The following BEND7 variants were observed in gnomAD, a reference collection of about 807,000 sequenced individuals.
BEND7 encodes BEN domain-containing protein 7.
A neutral mutation model predicts 50.9 loss-of-function variants in BEND7; 28 were observed. That is an observed-to-expected ratio of 0.55 (90% CI 0.41 to 0.75). BEND7 has a LOEUF of 0.75. BEND7 is among the 30% of genes least tolerant of loss of function. The pLI is 0.00. For synonymous variants in BEND7, 170 were observed against 183.9 expected, an observed-to-expected ratio of 0.92 and a Z score of 0.61; for missense variants, 477 against 491.3, an observed-to-expected ratio of 0.97 and a Z score of 0.28.
intron 6 of BEND7, among the ~76,000 whole-genome samples, chr10:13,470,681 C>G (rs1037630962): frequency 6.6e-6 from 1 of 152,090 alleles, no homozygotes; most frequent in African/African-American, 2.4e-5. Context: ...GGTGATGAAG[C>G]GGTGGTGAAG....
chr10:13,493,914 T>C (rs913141200), intron 4 of BEND7, among the ~76,000 whole-genome samples: 1 of 152,186 alleles, frequency 6.6e-6, no homozygotes, highest in Non-Finnish European at 1.5e-5. Context: ...TAAACATGAA[T>C]CACCTCCTCT....
At chr10:13,470,618 T>C (rs1026456492) in intron 6 of BEND7, among the ~76,000 whole-genome samples, 4 of 152,218 alleles carry the variant, frequency 2.6e-5, no homozygotes, top group African/African-American at 7.2e-5. Context: ...AGTAAACATA[T>C]GAATTCACAG....
chr10:13,441,767 G>C lies in BEND7; in HGVS notation c.1235-17C>G, dbSNP rs376915962. 6.6e-5 allele frequency: 106 copies of C among 1,613,234 alleles called. 1 individual carries two copies. The highest frequency in any genetic ancestry group is 8.7e-5 in the Non-Finnish European group (103 of 1,179,432). On this transcript the variant is annotated splice_polypyrimidine_tract_variant and intron_variant, in intron 8 of 8. Coordinates refer to ENST00000466271, the MANE Select transcript of BEND7 (RefSeq NM_001369863.1). ...ATCAGACCACTTGAGAAAACAAAGG[G>C]ACTGTTGTCAGGAACGGGATTACTT...
chr10:13,492,781 G>C lies in BEND7; in HGVS notation c.667C>G (p.Pro223Ala). Residue 223 changes from proline (P) to alanine (A), a missense_variant, in exon 5 of 9, where the codon CCA (proline) becomes GCA (alanine). Pro to Ala is a conservative substitution (Grantham distance 27). Transcript: ENST00000466271. ...RKRNKKKKVP[P>A]KTVEPLTVKQ... ...ACAGTAAGAGGTTCCACAGTCTTTG[G>C]GGGCACTTTTTTCTTTTTATTTCTC... The C allele has an allele frequency of 6.2e-7, 1 of 1,609,152 alleles. No homozygotes were observed. Among genetic ancestry groups the C allele is most frequent in the Non-Finnish European group, 8.5e-7 (1 of 1,178,980 alleles).
chr10:13,447,280 G>A lies in BEND7; in HGVS notation c.1220C>T (p.Ala407Val). ...GTTTTATTTACCTGTTGGTGGTAGAGCAATGCCGTCCAGTCTTTCATCACT... is the reference window on the plus strand; with the variant it reads ...GTTTTATTTACCTGTTGGTGGTAGAACAATGCCGTCCAGTCTTTCATCACT... The part of the protein sequence containing the change: ...ADSDERLDGI[A>V]LPPTVV Residue 407 changes from alanine (A) to valine (V), a missense_variant, in exon 8 of 9, where the codon GCT becomes GTT. Coordinates refer to ENST00000466271, the MANE Select transcript of BEND7 (RefSeq NM_001369863.1). The A allele has an allele frequency of 1.2e-6, 2 of 1,614,120 alleles. No homozygotes were observed. Among genetic ancestry groups the A allele is most frequent in the East Asian group, 4.5e-5 (2 of 44,880 alleles).
At chr10:13,441,790 C>T (rs1282785962) in intron 8 of BEND7, 40 bp from the exon 9 acceptor site, 1 of 1,593,684 alleles carries the variant, frequency 6.3e-7, no homozygotes, top group South Asian at 1.1e-5. Flanking sequence ...AACGGGATTA[C>T]TTACTGGCCA....
At chr10:13,522,316 C>G (rs908241038) in intron 2 of BEND7, among the ~76,000 whole-genome samples, 3 of 152,196 alleles carry the variant, frequency 2.0e-5, no homozygotes, top group Non-Finnish European at 4.4e-5. Context: ...GCCCTGCTAG[C>G]AGCTAAGGCC....
intron 2 of BEND7, among the ~76,000 whole-genome samples, chr10:13,502,007 T>C (rs1044074519): frequency 2.0e-5 from 3 of 152,132 alleles, no homozygotes; most frequent in African/African-American, 7.2e-5. Flanking sequence ...ACATTCAATA[T>C]AATGATTGCA....
chr10:13,461,886 C>G (rs1043180050), intron 6 of BEND7, among the ~76,000 whole-genome samples: 2 of 152,046 alleles, frequency 1.3e-5, no homozygotes, highest in African/African-American at 4.8e-5. Context: ...TGAAAGGATG[C>G]CTTGAAACCT....
chr10:13,464,067 T>C (rs1463264319), intron 6 of BEND7, among the ~76,000 whole-genome samples: 1 of 152,246 alleles, frequency 6.6e-6, no homozygotes, highest in African/African-American at 2.4e-5. Context: ...TTCTTCTACC[T>C]TGCTGGCAGA....
At chr10:13,473,683 C>G (rs1039328035) in intron 6 of BEND7, among the ~76,000 whole-genome samples, 1 of 150,674 alleles carries the variant, frequency 6.6e-6, no homozygotes, top group South Asian at 2.1e-4. Flanking sequence ...CTGTTGGACT[C>G]GGGGCCGACA....
At chr10:13,520,465 C>A (rs2079006858) in intron 2 of BEND7, among the ~76,000 whole-genome samples, 3 of 152,162 alleles carry the variant, frequency 2.0e-5, no homozygotes, top group Admixed American at 6.6e-5. Context: ...ACCGTGCATA[C>A]TAGACACTCA....
chr10:13,475,767 C>T (rs2075384067), intron 6 of BEND7, among the ~76,000 whole-genome samples: 1 of 152,148 alleles, frequency 6.6e-6, no homozygotes, highest in Non-Finnish European at 1.5e-5. Flanking sequence ...TTTTCAAATA[C>T]TCCTTTTAGA....
At chr10:13,493,568 G>A (rs1051550592) in intron 4 of BEND7, among the ~76,000 whole-genome samples, 2 of 152,164 alleles carry the variant, frequency 1.3e-5, no homozygotes, top group African/African-American at 4.8e-5. Flanking sequence ...ATAACTGAAG[G>A]AGCAATATCA....
chr10:13,466,201 G>C (rs1165463699), intron 6 of BEND7, among the ~76,000 whole-genome samples: 1 of 151,450 alleles, frequency 6.6e-6, no homozygotes, highest in Non-Finnish European at 1.5e-5. Context: ...ACAAGCTTTA[G>C]TGTAATGATG....
intron 2 of BEND7, among the ~76,000 whole-genome samples, chr10:13,511,933 A>G (rs2078303636): frequency 6.6e-6 from 1 of 152,208 alleles, no homozygotes; most frequent in Non-Finnish European, 1.5e-5. Flanking sequence ...GAAGGACTCC[A>G]TTCATGAGAC....
At chr10:13,479,529 A>C (rs1361807932) in intron 6 of BEND7, among the ~76,000 whole-genome samples, 2 of 152,188 alleles carry the variant, frequency 1.3e-5, no homozygotes, top group Non-Finnish European at 2.9e-5. Flanking sequence ...AGAAAATTAA[A>C]ACAATTCCTC....
chr10:13,439,904 G>A (rs997421974), downstream of BEND7, among the ~76,000 whole-genome samples: 3 of 152,226 alleles, frequency 2.0e-5, no homozygotes, highest in African/African-American at 7.2e-5. Context: ...GCCAGGACTT[G>A]GCCCCGCCTC....
rs74122741 is a variant in BEND7 at position 13,472,122 on chromosome 10, G to A, written c.1063+8777C>T. ...ACCCGTCATCACTGTTAGACTTGGG[G>A]TTGATACCCATCATCGCTCTTAGAC... is the stretch of plus-strand genomic sequence containing the variant. On this transcript the variant is annotated intron_variant, in intron 6 of 8. Coordinates refer to ENST00000466271, the MANE Select transcript of BEND7 (RefSeq NM_001369863.1). Among the ~76,000 whole-genome samples, 607 of 152,138 alleles carry A rather than the reference G, an allele frequency of 4.0e-3. 9 individuals are homozygous for A. The highest frequency in any genetic ancestry group is 0.014 in the African/African-American group (585 of 41,456).
Sources: allele counts gnomAD v4.1 joint callset (sites outside exome capture counted in the v4.1 genomes callset), GRCh38; gene constraint gnomAD v4.1.1; transcripts MANE v1.5; gene names NCBI Gene and HGNC (gene_info 2026-07-23, HGNC 2026-07-21).